Variants in TNFSF4 observed in about 807,000 individuals in gnomAD.
The protein encoded by TNFSF4 is tumor necrosis factor ligand superfamily member 4.
A neutral mutation model predicts 7.3 loss-of-function variants in TNFSF4; 4 were observed. The observed-to-expected ratio is 0.55, with a 90% CI of 0.27 to 1.25. The LOEUF (loss-of-function observed/expected upper bound fraction) is 1.25, where lower values mean the gene tolerates loss of function less well. TNFSF4 is among the 50% of genes most tolerant of loss of function. The pLI is 0.12. For synonymous variants in TNFSF4, 76 were observed against 83.7 expected (o/e 0.91, Z 0.50); for missense variants, 181 against 208.8 (o/e 0.87, Z 0.82).
the TNFSF4 span, among the ~76,000 whole-genome samples, chr1:173,424,076 A>G: frequency 6.6e-6 from 1 of 152,216 alleles, no homozygotes; most frequent in African/African-American, 2.4e-5. Flanking sequence ...GCTCTTTTGT[A>G]AGGACCCTAA....
chr1:173,310,777 T>C, the TNFSF4 span, among the ~76,000 whole-genome samples: 1 of 151,956 alleles, frequency 6.6e-6, no homozygotes, highest in Non-Finnish European at 1.5e-5. Flanking sequence ...GTTTTGTTAA[T>C]TCTGTCTGAT....
At chr1:173,335,097 T>A in the TNFSF4 span, among the ~76,000 whole-genome samples, 1 of 152,172 alleles carries the variant, frequency 6.6e-6, no homozygotes, top group African/African-American at 2.4e-5. Flanking sequence ...TCATTTAATG[T>A]TGCAGCTCAG....
At chr1:173,222,793 C>T in the TNFSF4 span, among the ~76,000 whole-genome samples, 5 of 152,194 alleles carry the variant, frequency 3.3e-5, no homozygotes, top group Admixed American at 1.3e-4. Context: ...AAAATATGAT[C>T]GTTAAAACTG....
At chr1:173,242,570 G>T in the TNFSF4 span, among the ~76,000 whole-genome samples, 7 of 152,170 alleles carry the variant, frequency 4.6e-5, no homozygotes, top group African/African-American at 1.4e-4. Flanking sequence ...AAGGGATTTT[G>T]CAAGCATGAT....
intron 1 of TNFSF4, among the ~76,000 whole-genome samples, chr1:173,191,428 CTTA>C (rs893626926): frequency 2.0e-5 from 3 of 152,176 alleles, no homozygotes; most frequent in African/African-American, 7.2e-5. Context: ...GGTCCTTCTT[CTTA>C]TTTGTTGGCC....
the TNFSF4 span, among the ~76,000 whole-genome samples, chr1:173,261,401 C>G: frequency 5.3e-5 from 8 of 152,136 alleles, no homozygotes; most frequent in Admixed American, 4.6e-4. Flanking sequence ...GACTTCCTAA[C>G]ATCACTTCTA....
At chr1:173,258,336 A>G in the TNFSF4 span, among the ~76,000 whole-genome samples, 1 of 152,132 alleles carries the variant, frequency 6.6e-6, no homozygotes, top group African/African-American at 2.4e-5. Context: ...AAGAGCAAGG[A>G]AAAGCAGGGT....
chr1:173,202,766 A>T (rs1324222387), intron 1 of TNFSF4, among the ~76,000 whole-genome samples: 1 of 152,110 alleles, frequency 6.6e-6, no homozygotes, highest in Non-Finnish European at 1.5e-5. Context: ...CATCTCCACC[A>T]CTTTCCCACA....
intron 1 of TNFSF4, among the ~76,000 whole-genome samples, chr1:173,202,070 T>TATATATATATATATATATATACACACA (rs150074641): frequency 2.0e-5 from 3 of 149,660 alleles, no homozygotes; most frequent in East Asian, 3.9e-4. Context: ...TATATATATA[T>TATATATATATATATATATATACACACA]ACACACACAC....
At chr1:173,329,197 C>G in the TNFSF4 span, among the ~76,000 whole-genome samples, 2 of 152,228 alleles carry the variant, frequency 1.3e-5, no homozygotes, top group Middle Eastern at 3.4e-3. Flanking sequence ...GTTCCAGGAC[C>G]TCCCACTGAT....
the TNFSF4 span, among the ~76,000 whole-genome samples, chr1:173,227,556 G>A: frequency 6.6e-6 from 1 of 152,178 alleles, no homozygotes; most frequent in Non-Finnish European, 1.5e-5. Context: ...ATCTCACTGG[G>A]GCTTGTCAGA....
At chr1:173,325,867 A>G in the TNFSF4 span, among the ~76,000 whole-genome samples, 2 of 152,222 alleles carry the variant, frequency 1.3e-5, no homozygotes, top group South Asian at 4.1e-4. Flanking sequence ...AATTGAGGCA[A>G]TAATTAACAG....
the TNFSF4 span, among the ~76,000 whole-genome samples, chr1:173,406,832 G>C: frequency 2.0e-5 from 3 of 152,244 alleles, no homozygotes; most frequent in East Asian, 5.8e-4. Context: ...AGAATTCCCA[G>C]GTGTGGGAAT....
chr1:173,184,887 C>T lies in TNFSF4; in HGVS notation c.*1629G>A, dbSNP rs1275298710. The T allele has an allele frequency of 6.6e-6, 1 of 152,208 alleles. No homozygotes were observed. The highest frequency in any genetic ancestry group is 2.4e-5 in the African/African-American group (1 of 41,450). 9.4% of individuals were successfully genotyped at this position (152,208 alleles called of 1,614,324 possible). A position where few individuals can be genotyped will look rare whatever the true frequency, so the allele number is the denominator to read the frequency against. ...TTCTGTGAGTGCCTTGGCAGCCACTCAGAACTTGATTCCTCTTACCTTACC... is the reference window on the plus strand; with the variant it reads ...TTCTGTGAGTGCCTTGGCAGCCACTTAGAACTTGATTCCTCTTACCTTACC... On this transcript the variant is annotated 3_prime_UTR_variant, in exon 3 of 3. Transcript: ENST00000281834.
chr1:173,448,098 C>A, the TNFSF4 span, among the ~76,000 whole-genome samples: 1 of 152,088 alleles, frequency 6.6e-6, no homozygotes, highest in Non-Finnish European at 1.5e-5. Context: ...AATGTACACA[C>A]CTATTAAGAG....
chr1:173,398,141 A>G, the TNFSF4 span, among the ~76,000 whole-genome samples: 1 of 152,172 alleles, frequency 6.6e-6, no homozygotes, highest in Non-Finnish European at 1.5e-5. Flanking sequence ...GTCCAACCTC[A>G]GGGGTCTGGT....
At chr1:173,266,674 A>G in the TNFSF4 span, among the ~76,000 whole-genome samples, 8 of 151,690 alleles carry the variant, frequency 5.3e-5, no homozygotes, top group East Asian at 1.4e-3. Flanking sequence ...CCTTTTCTAG[A>G]CTCCTTGATG....
At chr1:173,334,950 CA>C in the TNFSF4 span, among the ~76,000 whole-genome samples, 2 of 151,968 alleles carry the variant, frequency 1.3e-5, no homozygotes. Context: ...AAGAACTACT[CA>C]AGTTTTCTCA....
At chr1:173,302,251 T>C in the TNFSF4 span, among the ~76,000 whole-genome samples, 1 of 151,882 alleles carries the variant, frequency 6.6e-6, no homozygotes, top group East Asian at 1.9e-4. Flanking sequence ...AAACACACTT[T>C]GACACTCATT....
Sources: gnomAD v4.1 joint callset for allele counts (sites outside exome capture counted in the v4.1 genomes callset) on GRCh38, gnomAD v4.1.1 for gene constraint, MANE v1.5 for transcripts, NCBI Gene and HGNC (gene_info 2026-07-23, HGNC 2026-07-21) for gene names.